ARFGEF2: variants seen among roughly 807,000 people sequenced by gnomAD.
ARFGEF2 encodes the protein ARF guanine nucleotide exchange factor 2.
ARFGEF2 carries 74 observed loss-of-function variants against 219.9 expected under a neutral mutation model. The observed-to-expected ratio is 0.34, with a 90% confidence interval of 0.28 to 0.41. The LOEUF (loss-of-function observed/expected upper bound fraction) is 0.41, where lower values mean the gene tolerates loss of function less well. Among genes scored for constraint, ARFGEF2 ranks in the 10% least tolerant of loss-of-function variants. The pLI is 1.00. For missense variants in ARFGEF2, 1,743 were observed against 2,218.3 expected (o/e 0.79, Z 4.30); for synonymous variants, 733 against 799.2 (o/e 0.92, Z 1.40).
intron 3 of ARFGEF2, 122 bp from the exon 4 acceptor site, chr20:48,951,201 C>A (rs1190493348): frequency 5.7e-6 from 7 of 1,235,662 alleles, no homozygotes; most frequent in African/African-American, 4.5e-5. Flanking sequence ...CTGCCTGGCT[C>A]CTGGGGAGCA....
chr20:49,014,796 T>C (rs1487626272), intron 30 of ARFGEF2, among the ~76,000 whole-genome samples: 1 of 152,212 alleles, frequency 6.6e-6, no homozygotes, highest in Non-Finnish European at 1.5e-5. Flanking sequence ...GGTCATAGTA[T>C]AGATAGAGTT....
At chr20:48,933,527 A>T (rs567406118) in intron 1 of ARFGEF2, among the ~76,000 whole-genome samples, 2 of 152,256 alleles carry the variant, frequency 1.3e-5, no homozygotes, top group African/African-American at 4.8e-5. Context: ...TCAGTGAGTC[A>T]GCTATCATCA....
chr20:49,024,357 G>A (rs2091587785), intron 35 of ARFGEF2, among the ~76,000 whole-genome samples: 1 of 152,182 alleles, frequency 6.6e-6, no homozygotes, highest in Non-Finnish European at 1.5e-5. Context: ...AAATGTCAGT[G>A]CTTCAGGGGC....
At position 48,936,676 on chromosome 20, in the gene ARFGEF2, C is replaced by A. The variant is rs552457068; in HGVS notation, c.122-4523C>A. ...AGTAGCTGGGACTACAGGCGTGCAC[C>A]ACCACGCCCAGCTAATTTTTTTATA... On this transcript the variant is annotated intron_variant, in intron 1 of 38. Transcript: ENST00000371917. Among the ~76,000 whole-genome samples, 14 of 152,280 alleles carry A rather than the reference C, an allele frequency of 9.2e-5. No individual in the cohort carries two copies. In the South Asian group the frequency reaches 2.9e-3, roughly 32 times the overall value.
At position 48,952,939 on chromosome 20, in the gene ARFGEF2, A is replaced by G. The variant is rs376164456; in HGVS notation, c.603+55A>G. 716 of 1,577,592 alleles carry G rather than the reference A, an allele frequency of 4.5e-4. 6 individuals are homozygous for G. In the South Asian group the frequency reaches 7.1e-3, roughly 16 times the overall value. On this transcript the variant is annotated intron_variant, in intron 5 of 38. Transcript: ENST00000371917. ...AAGACATCATTGCTCTCTGAACTCTATCATGTGTGACCTTGGTGCCTGTGA... is the reference window on the plus strand; with the variant it reads ...AAGACATCATTGCTCTCTGAACTCTGTCATGTGTGACCTTGGTGCCTGTGA...
intron 6 of ARFGEF2, among the ~76,000 whole-genome samples, chr20:48,961,172 A>T (rs1002877027): frequency 1.6e-4 from 24 of 150,860 alleles, no homozygotes; most frequent in African/African-American, 5.8e-4. Flanking sequence ...CTTATAAACA[A>T]TTTTTTTTAA....
At chr20:48,962,904 T>C (rs1413312239) in intron 6 of ARFGEF2, among the ~76,000 whole-genome samples, 1 of 152,118 alleles carries the variant, frequency 6.6e-6, no homozygotes, top group Non-Finnish European at 1.5e-5. Context: ...GTCAACGTGA[T>C]GTTTTATAAA....
chr20:49,016,906 C>T (rs1295663031), intron 31 of ARFGEF2, among the ~76,000 whole-genome samples: 1 of 152,064 alleles, frequency 6.6e-6, no homozygotes, highest in Non-Finnish European at 1.5e-5. Flanking sequence ...TGATATTGTT[C>T]AGGTGGCAAA....
Position 48,965,862 on chromosome 20 carries a change from G to T in ARFGEF2, c.908-10G>T. 1 of 1,614,128 alleles carries T rather than the reference G, an allele frequency of 6.2e-7. No homozygotes were observed. Among genetic ancestry groups the T allele is most frequent in the South Asian group, 1.1e-5 (1 of 91,078 alleles). On this transcript the variant is annotated splice_polypyrimidine_tract_variant and intron_variant, in intron 7 of 38. Coordinates refer to ENST00000371917, the MANE Select transcript of ARFGEF2 (RefSeq NM_006420.3). ...CTAATTTGGCTATGACTTTGTACTT[G>T]TGTTTTAAGAAGCAGCGGAAAAGCA...
rs563035938 is a variant in ARFGEF2, at chr20:48,944,300, T to C, written c.276+2313T>C. Among the ~76,000 whole-genome samples the C allele has an allele frequency of 2.6e-5, 4 of 152,164 alleles. No individual in the cohort carries two copies. In the South Asian group the frequency reaches 8.3e-4, roughly 32 times the overall value. On this transcript the variant is annotated intron_variant, in intron 3 of 38. Transcript: ENST00000371917. The stretch of plus-strand genomic sequence containing the variant: ...TGTTAAGGTTTTCTTTTGAAGGGAG[T>C]GCTGATAATGTAATTGACGTTCTAA...
intron 25 of ARFGEF2, among the ~76,000 whole-genome samples, chr20:48,999,619 C>T (rs1372302886): frequency 1.3e-5 from 2 of 151,782 alleles, no homozygotes; most frequent in African/African-American, 2.4e-5. Context: ...TGGTGGCGAG[C>T]GCCTGTAGTC....
intron 23 of ARFGEF2, among the ~76,000 whole-genome samples, chr20:48,996,315 CGTG>C (rs1749908079): frequency 1.3e-5 from 2 of 151,662 alleles, no homozygotes; most frequent in Admixed American, 1.3e-4. Context: ...ATTAGTCAGG[CGTG>C]GTGGTGGGCA....
At chr20:48,993,975 G>GA (rs992428956) in intron 21 of ARFGEF2, among the ~76,000 whole-genome samples, 3 of 151,388 alleles carry the variant, frequency 2.0e-5, no homozygotes, top group Admixed American at 6.6e-5. Flanking sequence ...TAAGCACTAA[G>GA]AAAAAAAAAG....
intron 33 of ARFGEF2, 27 bp from the exon 34 acceptor site, chr20:49,018,857 T>G: frequency 6.3e-7 from 1 of 1,580,720 alleles, no homozygotes; most frequent in South Asian, 1.1e-5. Context: ...AAAGTGAGCA[T>G]TGTGTTTCCC....
chr20:48,974,646 A>T, intron 12 of ARFGEF2, 120 bp from the exon 13 acceptor site: 1 of 763,306 alleles, frequency 1.3e-6, no homozygotes, highest in Non-Finnish European at 2.3e-6. Context: ...TTTCATTCTT[A>T]ATAGCACTGA....
At chr20:49,004,565 C>T (rs1385190234) in intron 25 of ARFGEF2, among the ~76,000 whole-genome samples, 1 of 151,612 alleles carries the variant, frequency 6.6e-6, no homozygotes, top group Non-Finnish European at 1.5e-5. Flanking sequence ...CTTTGGGAGG[C>T]CAAGGCAGGT....
chr20:49,001,531 T>C (rs550567653), intron 25 of ARFGEF2, among the ~76,000 whole-genome samples: 1 of 152,232 alleles, frequency 6.6e-6, no homozygotes, highest in Non-Finnish European at 1.5e-5. Context: ...GCACCAGCCC[T>C]GTGTCCTGGA....
At chr20:48,982,351 G>C (rs949200971) in intron 14 of ARFGEF2, among the ~76,000 whole-genome samples, 1 of 152,176 alleles carries the variant, frequency 6.6e-6, no homozygotes, top group African/African-American at 2.4e-5. Flanking sequence ...AGCAAATATT[G>C]CTGCCTGATC....
intron 1 of ARFGEF2, among the ~76,000 whole-genome samples, chr20:48,936,384 C>T (rs2030704598): frequency 6.6e-6 from 1 of 151,166 alleles, no homozygotes; most frequent in South Asian, 2.1e-4. Context: ...GAGGTGGCTG[C>T]CGGGTGGAGA....
Sources: allele counts gnomAD v4.1 joint callset (sites outside exome capture counted in the v4.1 genomes callset), GRCh38; gene constraint gnomAD v4.1.1; transcripts MANE v1.5; gene names NCBI Gene and HGNC (gene_info 2026-07-23, HGNC 2026-07-21).